Variants in FAM124A observed in about 807,000 individuals in gnomAD.
FAM124A encodes the protein protein FAM124A.
A neutral mutation model predicts 24.5 loss-of-function variants in FAM124A; 23 were observed. The ratio of observed to expected loss-of-function variants is 0.94; its 90% confidence interval spans 0.68 to 1.33. The LOEUF is 1.33. Ranked by LOEUF, FAM124A falls within the 40% of genes most tolerant of loss-of-function variation. The pLI is 0.00. For synonymous variants in FAM124A, 287 were observed against 314.7 expected (o/e 0.91, Z 0.93); for missense variants, 623 against 722.8 (o/e 0.86, Z 1.58).
chr13:51,236,960 A>G (rs1954440811), intron 2 of FAM124A, among the ~76,000 whole-genome samples: 1 of 152,230 alleles, frequency 6.6e-6, no homozygotes, highest in Non-Finnish European at 1.5e-5. Context: ...TAATTCTCAT[A>G]AAGAACAATT....
At chr13:51,241,844 G>T (rs571481667) in intron 2 of FAM124A, among the ~76,000 whole-genome samples, 6 of 152,088 alleles carry the variant, frequency 3.9e-5, no homozygotes, top group African/African-American at 1.4e-4. Flanking sequence ...CATCTACTGC[G>T]TTCAGGACGT....
At chr13:51,266,620 G>T (rs994411449) in intron 3 of FAM124A, among the ~76,000 whole-genome samples, 1 of 152,182 alleles carries the variant, frequency 6.6e-6, no homozygotes, top group African/African-American at 2.4e-5. Flanking sequence ...AGTGGCAAGG[G>T]CAGGAAGCTT....
At chr13:51,240,796 C>G (rs1469698667) in intron 2 of FAM124A, among the ~76,000 whole-genome samples, 2 of 152,242 alleles carry the variant, frequency 1.3e-5, no homozygotes, top group African/African-American at 4.8e-5. Flanking sequence ...CCCTCACCCC[C>G]TAACAAGTGA....
chr13:51,281,192 A>G lies in FAM124A; in HGVS notation c.1577A>G (p.Asp526Gly), dbSNP rs1954935158. Residue 526 changes from aspartate (D) to glycine (G), a missense_variant, in exon 4 of 4, where the codon GAC becomes GGC. By Grantham distance (94) the Asp-to-Gly change is moderately conservative (BLOSUM62 -1). Coordinates refer to ENST00000322475, the MANE Select transcript of FAM124A (RefSeq NM_001242312.2). ...DTPKVKQTDG[D>G]MPPPPGSAGP... Reference sequence around the variant, plus strand: ...CCCAAAGTCAAGCAGACTGATGGAGACATGCCACCACCCCCAGGGTCGGCT... The same window carrying G: ...CCCAAAGTCAAGCAGACTGATGGAGGCATGCCACCACCCCCAGGGTCGGCT... 2.5e-6 allele frequency: 4 copies of G among 1,611,064 alleles called. No individual in the cohort carries two copies. The highest frequency in any genetic ancestry group is 1.7e-5 in the Admixed American group (1 of 59,888).
intron 2 of FAM124A, among the ~76,000 whole-genome samples, chr13:51,234,362 T>C (rs1954413389): frequency 6.6e-6 from 1 of 152,192 alleles, no homozygotes; most frequent in African/African-American, 2.4e-5. Context: ...TTCTATTTAG[T>C]TGTCTTTTTC....
At chr13:51,254,079 G>T (rs1289544957) in intron 3 of FAM124A, among the ~76,000 whole-genome samples, 2 of 152,170 alleles carry the variant, frequency 1.3e-5, no homozygotes, top group African/African-American at 4.8e-5. Flanking sequence ...TCAGTCTTCA[G>T]CAAAATTAAG....
intron 1 of FAM124A, 116 bp from the exon 2 acceptor site, chr13:51,231,232 A>T: frequency 8.7e-7 from 1 of 1,148,356 alleles, no homozygotes; most frequent in Non-Finnish European, 1.3e-6. Flanking sequence ...TGCAGTTTTT[A>T]ATTGGTGACA....
intron 1 of FAM124A, among the ~76,000 whole-genome samples, chr13:51,228,121 C>T (rs1954335441): frequency 6.6e-6 from 1 of 152,104 alleles, no homozygotes; most frequent in Non-Finnish European, 1.5e-5. Context: ...TTTACAGAAA[C>T]ATCAAGATCA....
Position 51,251,175 on chromosome 13 carries a change from TC to T in FAM124A, c.101-292del, listed in dbSNP as rs1184258421. On this transcript the variant is annotated intron_variant, in intron 2 of 3. Coordinates refer to ENST00000322475, the MANE Select transcript of FAM124A (RefSeq NM_001242312.2). The surrounding 1 kb of genome is among the most constrained non-coding windows in gnomAD (Gnocchi z 5.3). ...ATTTGTCTGATACGTAAATATAAAG[TC>T]AAATGTTCCCTATACCAACCAACCT... Among the ~76,000 whole-genome samples, 1 of 152,194 alleles carries T rather than the reference TC, an allele frequency of 6.6e-6. No individual in the cohort carries two copies. Among genetic ancestry groups the T allele is most frequent in the African/African-American group, 2.4e-5 (1 of 41,456 alleles).
Position 51,272,398 on chromosome 13 carries a change from G to A in FAM124A, c.835-8052G>A, listed in dbSNP as rs949379031. Among the ~76,000 whole-genome samples, 4 of 152,134 alleles carry A rather than the reference G, an allele frequency of 2.6e-5. No individual in the cohort carries two copies. The highest frequency in any genetic ancestry group is 9.7e-5 in the African/African-American group (4 of 41,424). On this transcript the variant is annotated intron_variant, in intron 3 of 3. Coordinates refer to ENST00000322475, the MANE Select transcript of FAM124A (RefSeq NM_001242312.2). The surrounding 1 kb of genome is among the most constrained non-coding windows in gnomAD (Gnocchi z 4.2). ...GCTGCAGGCCTGGGCCCTAAGAAAG[G>A]AGCAGGAGGGAGATGGCCGGGCTAA...
intron 3 of FAM124A, among the ~76,000 whole-genome samples, chr13:51,261,890 A>G (rs940529780): frequency 3.9e-5 from 6 of 152,220 alleles, no homozygotes; most frequent in African/African-American, 1.2e-4. Context: ...CAGGTCAGCA[A>G]ACTCTTTGAA....
chr13:51,280,905 A>G lies in FAM124A; in HGVS notation c.1290A>G (p.Ala430=), dbSNP rs1253819107. 5 of 1,613,964 alleles carry G rather than the reference A, an allele frequency of 3.1e-6. No individual in the cohort carries two copies. The highest frequency in any genetic ancestry group is 4.2e-6 in the Non-Finnish European group (5 of 1,180,012). ...LSSSDLSVVS[A]YSAPSRFCST... ...CATCGGACCTGTCTGTGGTCTCTGC[A>G]TATTCTGCACCCAGTAGGTTCTGCA... Residue 430 remains alanine (A), a synonymous_variant, in exon 4 of 4, where the codon GCA becomes GCG. Transcript: ENST00000322475.
intron 2 of FAM124A, chr13:51,245,227 G>T (rs1363256556): frequency 4.1e-6 from 2 of 490,878 alleles, no homozygotes; most frequent in Admixed American, 3.7e-5. Context: ...TGCATAAGAT[G>T]CAAAAAACTG....
chr13:51,222,633 C>T, intron 1 of FAM124A, 64 bp downstream of exon 1: 1 of 1,201,886 alleles, frequency 8.3e-7, no homozygotes, highest in Non-Finnish European at 1.0e-6. Context: ...CGGCTCCTCC[C>T]CGGACGGGGA....
intron 2 of FAM124A, among the ~76,000 whole-genome samples, chr13:51,243,104 A>G (rs1295972808): frequency 1.3e-5 from 2 of 152,202 alleles, no homozygotes. Flanking sequence ...TAAAAATCCT[A>G]TATGTCACTT....
intron 3 of FAM124A, among the ~76,000 whole-genome samples, chr13:51,264,024 C>T (rs1042874903): frequency 2.0e-5 from 3 of 152,096 alleles, no homozygotes; most frequent in Non-Finnish European, 4.4e-5. Flanking sequence ...AGTAAATGGC[C>T]TTCCATTATG....
At chr13:51,252,427 T>A in intron 3 of FAM124A, 1 of 611,030 alleles carries the variant, frequency 1.6e-6, no homozygotes, top group East Asian at 2.8e-5. Flanking sequence ...TCAGCAAACA[T>A]GTTCCCAATT....
Position 51,243,724 on chromosome 13 carries a change from C to T in FAM124A, c.101-7744C>T, listed in dbSNP as rs1358844257. Among the ~76,000 whole-genome samples, 5 of 151,958 alleles carry T rather than the reference C, an allele frequency of 3.3e-5. No individual in the cohort carries two copies. The South Asian group carries it at 8.3e-4, about 25-fold the overall frequency. Reference sequence around the variant, plus strand: ...AATTTTTTTGTATTTTTAGTAGAGACGGGGTTTCACCATGTTGCCCAGGCT... The same window carrying T: ...AATTTTTTTGTATTTTTAGTAGAGATGGGGTTTCACCATGTTGCCCAGGCT... On this transcript the variant is annotated intron_variant, in intron 2 of 3. Coordinates refer to ENST00000322475, the MANE Select transcript of FAM124A (RefSeq NM_001242312.2).
At chr13:51,243,560 T>G (rs1446455533) in intron 2 of FAM124A, among the ~76,000 whole-genome samples, 1 of 151,988 alleles carries the variant, frequency 6.6e-6, no homozygotes, top group African/African-American at 2.4e-5. Context: ...TGAGACAGAG[T>G]TTTGCCCTTA....
Sources: allele counts gnomAD v4.1 joint callset (sites outside exome capture counted in the v4.1 genomes callset), GRCh38; gene constraint gnomAD v4.1.1; non-coding constraint Gnocchi (gnomAD v3.1); transcripts MANE v1.5; gene names NCBI Gene and HGNC (gene_info 2026-07-23, HGNC 2026-07-21).